The following SRPK1 variants were observed in gnomAD, a reference collection of about 807,000 sequenced individuals.
SRPK1 encodes the protein SRSF protein kinase 1.
In SRPK1, 52 loss-of-function variants were observed where a neutral mutation model predicts 89.5. That is an observed-to-expected ratio of 0.58 (90% CI 0.46 to 0.73). The LOEUF is 0.73. Among genes scored for constraint, SRPK1 ranks in the 30% least tolerant of loss-of-function variants. SRPK1 has a pLI of 0.00. For missense variants in SRPK1, 603 were observed against 780.6 expected (o/e 0.77, Z 2.71); for synonymous variants, 255 against 270.2 (o/e 0.94, Z 0.55).
chr6:35,902,233 A>C (rs1465617352), intron 2 of SRPK1, among the ~76,000 whole-genome samples: 10 of 59,190 alleles, frequency 1.7e-4, no homozygotes, highest in Non-Finnish European at 1.2e-4. Flanking sequence ...CCGTCTCTAC[A>C]AAAAAAAAAA....
chr6:35,878,037 C>G (rs374724777), intron 6 of SRPK1, among the ~76,000 whole-genome samples: 5 of 152,166 alleles, frequency 3.3e-5, no homozygotes, highest in African/African-American at 9.7e-5. Context: ...CAAATCCACA[C>G]ATCCACAAAA....
chr6:35,896,431 T>A (rs1158768568), intron 2 of SRPK1, among the ~76,000 whole-genome samples: 3 of 152,096 alleles, frequency 2.0e-5, no homozygotes, highest in African/African-American at 7.2e-5. Context: ...GTAATCAAAA[T>A]AGATAATAAC....
chr6:35,884,681 A>G (rs1770365860), intron 6 of SRPK1, among the ~76,000 whole-genome samples: 1 of 152,166 alleles, frequency 6.6e-6, no homozygotes, highest in Non-Finnish European at 1.5e-5. Context: ...CAGAAGCTAC[A>G]GAGAAACCAC....
At chr6:35,878,333 A>C (rs953973450) in intron 6 of SRPK1, among the ~76,000 whole-genome samples, 2 of 152,186 alleles carry the variant, frequency 1.3e-5, no homozygotes, top group Non-Finnish European at 2.9e-5. Flanking sequence ...ACAGATCCTG[A>C]CTCAAGTAAG....
At chr6:35,858,340 TA>T (rs565310448) in intron 12 of SRPK1, among the ~76,000 whole-genome samples, 205 of 145,366 alleles carry the variant, frequency 1.4e-3, no homozygotes, top group Middle Eastern at 7.2e-3. Context: ...CTTTGTCACC[TA>T]AAAAAAAAAA....
At chr6:35,861,256 C>T (rs1018569541) in intron 12 of SRPK1, among the ~76,000 whole-genome samples, 1 of 152,094 alleles carries the variant, frequency 6.6e-6, no homozygotes, top group Admixed American at 6.5e-5. Context: ...CCCCAGCATC[C>T]CACATTCTGA....
At chr6:35,907,286 G>A (rs1770867639) in intron 2 of SRPK1, among the ~76,000 whole-genome samples, 1 of 152,080 alleles carries the variant, frequency 6.6e-6, no homozygotes, top group African/African-American at 2.4e-5. Context: ...AACACAGATT[G>A]AATACTTGAC....
At chr6:35,857,208 A>G in intron 13 of SRPK1, 53 bp downstream of exon 13, 1 of 1,317,120 alleles carries the variant, frequency 7.6e-7, no homozygotes. Context: ...ATTAGCAAAC[A>G]GGGCAAGATA....
chr6:35,880,406 C>T (rs956088496), intron 6 of SRPK1, among the ~76,000 whole-genome samples: 1 of 151,868 alleles, frequency 6.6e-6, no homozygotes, highest in African/African-American at 2.4e-5. Context: ...ACCAAATATA[C>T]ACTGTGGCAG....
intron 12 of SRPK1, among the ~76,000 whole-genome samples, chr6:35,864,410 AAAG>A (rs1769851087): frequency 6.6e-6 from 1 of 152,028 alleles, no homozygotes; most frequent in South Asian, 2.1e-4. Flanking sequence ...ACATTTCTCA[AAAG>A]AAGACATACA....
rs1278800458 is a variant in SRPK1 at position 35,886,788 on chromosome 6, A to T, written c.414T>A (p.Asp138Glu). 3 of 1,611,014 alleles carry T rather than the reference A, an allele frequency of 1.9e-6. No homozygotes were observed. The highest frequency in any genetic ancestry group is 2.5e-6 in the Non-Finnish European group (3 of 1,177,538). Residue 138 changes from aspartate (D) to glutamate (E), a missense_variant, in exon 6 of 16, where the codon GAT becomes GAA. By Grantham distance (45) the Asp-to-Glu change is conservative. Coordinates refer to ENST00000373825, the MANE Select transcript of SRPK1 (RefSeq NM_003137.5). The part of the protein sequence containing the change: ...LKSVRNSDPN[D>E]PNREMVVQLL... ...GTTGAACAACCATTTCTCTATTTGG[A>T]TCATTAGGGTCTGAATTGCGAACCT...
chr6:35,912,699 CA>C (rs1770996366), intron 2 of SRPK1, among the ~76,000 whole-genome samples: 2 of 152,140 alleles, frequency 1.3e-5, no homozygotes, highest in Non-Finnish European at 2.9e-5. Context: ...AGAGCATGAG[CA>C]AAAGAGCTTA....
At chr6:35,896,604 T>C (rs1305988737) in intron 2 of SRPK1, among the ~76,000 whole-genome samples, 3 of 152,202 alleles carry the variant, frequency 2.0e-5, no homozygotes, top group Non-Finnish European at 2.9e-5. Flanking sequence ...TACCAAGAGA[T>C]GAAAACATGT....
intron 14 of SRPK1, 43 bp from the exon 15 acceptor site, chr6:35,838,472 C>T (rs771236043): frequency 1.9e-5 from 28 of 1,501,166 alleles, no homozygotes; most frequent in Admixed American, 1.7e-4. Context: ...AAAAAAGATC[C>T]GTAACAAGAG....
intron 14 of SRPK1, among the ~76,000 whole-genome samples, chr6:35,840,500 A>C (rs1262343257): frequency 6.6e-6 from 1 of 152,246 alleles, no homozygotes; most frequent in East Asian, 1.9e-4. Context: ...AGCTTCTTAA[A>C]GTTCTTAGAA....
chr6:35,865,105 A>G (rs1769865856), intron 12 of SRPK1, among the ~76,000 whole-genome samples: 1 of 152,142 alleles, frequency 6.6e-6, no homozygotes, highest in Non-Finnish European at 1.5e-5. Context: ...CTTACAAATA[A>G]TAAGATCTAC....
At chr6:35,874,855 TG>T (rs1370430885) in intron 6 of SRPK1, among the ~76,000 whole-genome samples, 32 of 152,306 alleles carry the variant, frequency 2.1e-4, no homozygotes, top group Admixed American at 6.5e-4. Flanking sequence ...ATAGGAAACT[TG>T]CTTAATGCTC....
intron 12 of SRPK1, among the ~76,000 whole-genome samples, chr6:35,861,997 C>A (rs1213454326): frequency 6.6e-6 from 1 of 152,152 alleles, no homozygotes; most frequent in Non-Finnish European, 1.5e-5. Context: ...TCTCTAAGCA[C>A]ACTTAGGAAA....
chr6:35,912,218 G>T (rs1457691696), intron 2 of SRPK1, among the ~76,000 whole-genome samples: 1 of 152,126 alleles, frequency 6.6e-6, no homozygotes, highest in Non-Finnish European at 1.5e-5. Context: ...GGGCATGGTG[G>T]CATGTGCCTG....
Sources: allele counts gnomAD v4.1 joint callset (sites outside exome capture counted in the v4.1 genomes callset), GRCh38; gene constraint gnomAD v4.1.1; transcripts MANE v1.5; gene names NCBI Gene and HGNC (gene_info 2026-07-23, HGNC 2026-07-21).